TAMM41: variants seen among roughly 807,000 people sequenced by gnomAD.
The protein encoded by TAMM41 is phosphatidate cytidylyltransferase, mitochondrial.
In TAMM41, 36 loss-of-function variants were observed where a neutral mutation model predicts 44.1. The observed-to-expected ratio is 0.82, with a 90% confidence interval of 0.63 to 1.08. The LOEUF is 1.08. Ranked by LOEUF, TAMM41 falls within the 50% of genes least tolerant of loss-of-function variation. The pLI is 0.00. For synonymous variants in TAMM41, 164 were observed against 153.1 expected (o/e 1.07, Z -0.53); for missense variants, 417 against 404.3 (o/e 1.03, Z -0.27).
chr3:11,814,470 C>T (rs1240437924), intron 5 of TAMM41, among the ~76,000 whole-genome samples: 1 of 151,570 alleles, frequency 6.6e-6, no homozygotes, highest in African/African-American at 2.4e-5. Flanking sequence ...GAAATATTCT[C>T]CCATAAAGCT....
the TAMM41 span, among the ~76,000 whole-genome samples, chr3:11,770,600 C>T: frequency 3.3e-5 from 5 of 152,136 alleles, no homozygotes; most frequent in African/African-American, 7.2e-5. Context: ...CTGCTGAGCG[C>T]GTGCTGATCT....
At chr3:11,844,640 C>G (rs1228762121) in intron 1 of TAMM41, among the ~76,000 whole-genome samples, 2 of 152,218 alleles carry the variant, frequency 1.3e-5, no homozygotes, top group African/African-American at 4.8e-5. Context: ...CACTGCCTTT[C>G]ACAAATGTAG....
At chr3:11,732,911 G>A in the TAMM41 span, among the ~76,000 whole-genome samples, 1 of 152,050 alleles carries the variant, frequency 6.6e-6, no homozygotes, top group African/African-American at 2.4e-5. Context: ...TCTGGCTGTG[G>A]TAAGGAGCTC....
rs1437055125 is a variant in TAMM41, at chr3:11,836,771, T to C, written c.411+2451A>G. The stretch of plus-strand genomic sequence containing the variant: ...GAGCCACAGTGCCTGGCCCATCTTT[T>C]GTATATTTAAAACAAACAAACAAAA... On this transcript the variant is annotated intron_variant, in intron 3 of 7. Transcript: ENST00000455809. 2.6e-5 allele frequency among the ~76,000 whole-genome samples: 4 copies of C among 152,354 alleles called. No homozygotes were observed. In the East Asian group the frequency reaches 7.7e-4, roughly 29 times the overall value.
the TAMM41 span, among the ~76,000 whole-genome samples, chr3:11,761,904 G>A: frequency 2.9e-5 from 4 of 136,198 alleles, no homozygotes; most frequent in South Asian, 2.3e-4. Flanking sequence ...CCAAGATCAC[G>A]CCATCGCACT....
intron 4 of TAMM41, among the ~76,000 whole-genome samples, chr3:11,826,145 T>A (rs972224068): frequency 6.6e-6 from 1 of 152,126 alleles, no homozygotes; most frequent in Non-Finnish European, 1.5e-5. Context: ...AAATAACAGT[T>A]TCTCAACCTG....
chr3:11,754,708 C>CTTTTTTTTTT, the TAMM41 span, among the ~76,000 whole-genome samples: 2 of 103,562 alleles, frequency 1.9e-5, no homozygotes, highest in Non-Finnish European at 1.9e-5. Context: ...TCTCAGATCT[C>CTTTTTTTTTT]TTTTTTTTTT....
At chr3:11,825,730 C>A (rs1310985919) in intron 4 of TAMM41, among the ~76,000 whole-genome samples, 1 of 152,118 alleles carries the variant, frequency 6.6e-6, no homozygotes, top group Non-Finnish European at 1.5e-5. Flanking sequence ...AGGACCTTAA[C>A]CGGCCAGATG....
chr3:11,770,431 G>C, the TAMM41 span, among the ~76,000 whole-genome samples: 4 of 152,296 alleles, frequency 2.6e-5, no homozygotes, highest in East Asian at 7.7e-4. Context: ...GGGCAGTTTC[G>C]ATCACTGGCT....
downstream of TAMM41, among the ~76,000 whole-genome samples, chr3:11,786,108 G>A (rs1001435686): frequency 6.6e-6 from 1 of 152,064 alleles, no homozygotes; most frequent in South Asian, 2.1e-4. Context: ...GCCCAGGCTG[G>A]TGTGGGCTTG....
intron 7 of TAMM41, among the ~76,000 whole-genome samples, chr3:11,794,302 AATTTT>A (rs1254674609): frequency 6.6e-6 from 1 of 151,966 alleles, no homozygotes; most frequent in Non-Finnish European, 1.5e-5. Context: ...ACGCCCGGCT[AATTTT>A]ATTTTATTTT....
chr3:11,785,235 G>T, the TAMM41 span, among the ~76,000 whole-genome samples: 1 of 152,198 alleles, frequency 6.6e-6, no homozygotes, highest in Non-Finnish European at 1.5e-5. Flanking sequence ...CGTGGTGTCA[G>T]ATCAGAAGAT....
intron 6 of TAMM41, chr3:11,809,155 C>T (rs984265944): frequency 2.3e-5 from 7 of 309,700 alleles, no homozygotes; most frequent in East Asian, 1.1e-4. Flanking sequence ...GCTGTGTTCT[C>T]GATGTTATAA....
intron 7 of TAMM41, among the ~76,000 whole-genome samples, chr3:11,794,689 A>T (rs2077564024): frequency 6.6e-6 from 1 of 152,144 alleles, no homozygotes; most frequent in Admixed American, 6.5e-5. Context: ...GTTTCACATG[A>T]CCTACAGCGA....
chr3:11,791,716 T>G (rs917274179), intron 7 of TAMM41, among the ~76,000 whole-genome samples: 6 of 152,130 alleles, frequency 3.9e-5, no homozygotes, highest in Non-Finnish European at 7.4e-5. Flanking sequence ...TTAGTCCACT[T>G]AGAGCCTTGG....
chr3:11,802,199 G>A (rs1165173105), intron 7 of TAMM41, among the ~76,000 whole-genome samples: 1 of 152,164 alleles, frequency 6.6e-6, no homozygotes, highest in Non-Finnish European at 1.5e-5. Context: ...TAGCCTGAGT[G>A]ATAGAGCCAG....
intron 4 of TAMM41, among the ~76,000 whole-genome samples, chr3:11,829,335 C>T (rs1263546407): frequency 6.6e-6 from 1 of 152,102 alleles, no homozygotes; most frequent in Admixed American, 6.5e-5. Context: ...TGTTCAGACA[C>T]AGGCTAAAGT....
chr3:11,824,486 G>C (rs1041235608), intron 4 of TAMM41, among the ~76,000 whole-genome samples: 1 of 151,290 alleles, frequency 6.6e-6, no homozygotes, highest in African/African-American at 2.4e-5. Context: ...TAGAGATGGG[G>C]TTTCATCATG....
At chr3:11,735,206 T>C in the TAMM41 span, among the ~76,000 whole-genome samples, 1 of 150,392 alleles carries the variant, frequency 6.6e-6, no homozygotes, top group Non-Finnish European at 1.5e-5. Flanking sequence ...AAAAATAAAA[T>C]AATCAGCCAG....
Sources: gnomAD v4.1 joint callset for allele counts (sites outside exome capture counted in the v4.1 genomes callset) on GRCh38, gnomAD v4.1.1 for gene constraint, MANE v1.5 for transcripts, NCBI Gene and HGNC (gene_info 2026-07-23, HGNC 2026-07-21) for gene names.